The following TMEM132C variants were observed in gnomAD, a reference collection of about 807,000 sequenced individuals.
The protein encoded by TMEM132C is transmembrane protein 132C.
A neutral mutation model predicts 61.4 loss-of-function variants in TMEM132C; 29 were observed. That is an observed-to-expected ratio of 0.47 (90% CI 0.35 to 0.64). The LOEUF is 0.64. TMEM132C is among the 30% of genes least tolerant of loss of function. TMEM132C has a pLI of 0.00. For synonymous variants in TMEM132C, 656 were observed against 633.1 expected (o/e 1.04, Z -0.54); for missense variants, 1,408 against 1,476.9 (o/e 0.95, Z 0.76).
chr12:128,407,239 A>T (rs1713587), intron 1 of TMEM132C, among the ~76,000 whole-genome samples: 77,376 of 151,650 alleles, frequency 0.51, 19,992 homozygotes, highest in South Asian at 0.73. Context: ...CTGCACACAC[A>T]CTCTTGCCTG....
At chr12:128,446,731 G>A (rs995669895) in intron 2 of TMEM132C, among the ~76,000 whole-genome samples, 3 of 152,066 alleles carry the variant, frequency 2.0e-5, no homozygotes, top group African/African-American at 7.2e-5. Context: ...GAAGGGCTGG[G>A]GTAATTCAGC....
At chr12:128,697,079 CAT>C (rs1473456136) in intron 7 of TMEM132C, 143 bp from the exon 8 acceptor site, 6 of 604,536 alleles carry the variant, frequency 9.9e-6, no homozygotes, top group Non-Finnish European at 1.6e-5. Context: ...GATGGGCCAG[CAT>C]ATAGAGTGAA....
At chr12:128,547,495 C>T (rs1294778753) in intron 3 of TMEM132C, among the ~76,000 whole-genome samples, 6 of 147,322 alleles carry the variant, frequency 4.1e-5, no homozygotes, top group East Asian at 2.0e-4. Flanking sequence ...ACCCGGGAGG[C>T]GGAGCTTGCA....
At position 128,616,057 on chromosome 12, in the gene TMEM132C, T is replaced by A. The variant is rs960174109; in HGVS notation, c.1122-95T>A. 3 of 1,393,136 alleles carry A rather than the reference T, an allele frequency of 2.2e-6. No individual in the cohort carries two copies. In the East Asian group the frequency reaches 7.5e-5, roughly 35 times the overall value. 86.3% of individuals were successfully genotyped at this position (1,393,136 alleles called of 1,614,324 possible). ...AAACCCTGGAGCCATCCCTGAGATG[T>A]GTTTCTTTGTCTTTATCTTCTGCGT... On this transcript the variant is annotated intron_variant, in intron 3 of 8. Transcript: ENST00000435159.
At chr12:128,555,600 C>T (rs1028213409) in intron 3 of TMEM132C, among the ~76,000 whole-genome samples, 1 of 152,184 alleles carries the variant, frequency 6.6e-6, no homozygotes, top group Non-Finnish European at 1.5e-5. Flanking sequence ...AATTGTCCCT[C>T]CTTTTCACCT....
chr12:128,520,979 T>A (rs892449015), intron 2 of TMEM132C, among the ~76,000 whole-genome samples: 1 of 152,012 alleles, frequency 6.6e-6, no homozygotes, highest in Non-Finnish European at 1.5e-5. Flanking sequence ...CCTATCTTAG[T>A]GCACCTGAAA....
intron 2 of TMEM132C, among the ~76,000 whole-genome samples, chr12:128,472,909 G>A: frequency 6.6e-6 from 1 of 152,168 alleles, no homozygotes; most frequent in East Asian, 1.9e-4. Context: ...ATTTCCTGGA[G>A]CTACTGTAAC....
At chr12:128,656,030 C>T (rs1385238913) in intron 4 of TMEM132C, among the ~76,000 whole-genome samples, 2 of 152,288 alleles carry the variant, frequency 1.3e-5, no homozygotes, top group East Asian at 3.9e-4. Context: ...TACCTTCTCA[C>T]CATCAGTAAA....
chr12:128,653,346 G>A (rs1954292132), intron 4 of TMEM132C, among the ~76,000 whole-genome samples: 1 of 152,230 alleles, frequency 6.6e-6, no homozygotes, highest in Non-Finnish European at 1.5e-5. Flanking sequence ...GCTAGATTAA[G>A]TGAGAGTGTA....
intron 1 of TMEM132C, among the ~76,000 whole-genome samples, chr12:128,378,271 T>C (rs562463679): frequency 1.3e-4 from 20 of 151,966 alleles, no homozygotes; most frequent in Admixed American, 5.2e-4. Flanking sequence ...CCTGCCACCA[T>C]GCCCGGCTAA....
intron 1 of TMEM132C, among the ~76,000 whole-genome samples, chr12:128,412,541 A>G (rs1020471099): frequency 6.6e-6 from 1 of 151,930 alleles, no homozygotes; most frequent in African/African-American, 2.4e-5. Flanking sequence ...AGTTTCCCCT[A>G]TATTGTTCTC....
intron 2 of TMEM132C, among the ~76,000 whole-genome samples, chr12:128,501,627 T>A (rs1952954662): frequency 6.6e-6 from 1 of 152,220 alleles, no homozygotes; most frequent in Non-Finnish European, 1.5e-5. Context: ...GAGCTTCAAT[T>A]ATGCCCTGGC....
At chr12:128,407,441 T>C (rs1368100776) in intron 1 of TMEM132C, among the ~76,000 whole-genome samples, 1 of 152,210 alleles carries the variant, frequency 6.6e-6, no homozygotes, top group Non-Finnish European at 1.5e-5. Flanking sequence ...CTGGCTGCTC[T>C]GTGAGGGATT....
At chr12:128,601,044 A>G (rs963558246) in intron 3 of TMEM132C, among the ~76,000 whole-genome samples, 3 of 152,196 alleles carry the variant, frequency 2.0e-5, no homozygotes, top group African/African-American at 4.8e-5. Flanking sequence ...ATTCAATAGC[A>G]AGCTTTGGAG....
chr12:128,374,436 A>G (rs1464089580), intron 1 of TMEM132C, among the ~76,000 whole-genome samples: 4 of 152,154 alleles, frequency 2.6e-5, no homozygotes, highest in South Asian at 2.1e-4. Context: ...CTACAAGTCA[A>G]TGAAGTTCTC....
intron 1 of TMEM132C, among the ~76,000 whole-genome samples, chr12:128,318,975 G>A (rs562273990): frequency 6.6e-6 from 1 of 152,288 alleles, no homozygotes; most frequent in African/African-American, 2.4e-5. Flanking sequence ...TTCCCCTAGA[G>A]CTTACGCATC....
At chr12:128,474,511 C>T (rs193184674) in intron 2 of TMEM132C, among the ~76,000 whole-genome samples, 1 of 152,186 alleles carries the variant, frequency 6.6e-6, no homozygotes, top group African/African-American at 2.4e-5. Flanking sequence ...ACTAGAGACA[C>T]AGTTTATCTT....
intron 2 of TMEM132C, among the ~76,000 whole-genome samples, chr12:128,539,024 C>G (rs1442251027): frequency 6.6e-6 from 1 of 152,072 alleles, no homozygotes; most frequent in Non-Finnish European, 1.5e-5. Context: ...TCATATTTAT[C>G]CTGAAACTCT....
chr12:128,672,506 A>T (rs75242290), intron 5 of TMEM132C, among the ~76,000 whole-genome samples: 8,626 of 152,294 alleles, frequency 0.057, 711 homozygotes, highest in African/African-American at 0.18. Context: ...ATCTCCAGGA[A>T]TTATAATCAG....
Sources: gnomAD v4.1 joint callset for allele counts (sites outside exome capture counted in the v4.1 genomes callset) on GRCh38, gnomAD v4.1.1 for gene constraint, MANE v1.5 for transcripts, NCBI Gene and HGNC (gene_info 2026-07-23, HGNC 2026-07-21) for gene names.